FNTB: variants seen among roughly 807,000 people sequenced by gnomAD.
FNTB encodes protein farnesyltransferase subunit beta.
A neutral mutation model predicts 59.4 loss-of-function variants in FNTB; 27 were observed. The ratio of observed to expected loss-of-function variants is 0.45; its 90% CI spans 0.34 to 0.63. The LOEUF (loss-of-function observed/expected upper bound fraction) is 0.63. FNTB is among the 20% of genes least tolerant of loss of function. The pLI is 0.02. For missense variants in FNTB, 449 were observed against 559.6 expected (o/e 0.80, Z 1.99); for synonymous variants, 230 against 220.7 (o/e 1.04, Z -0.37).
At chr14:65,049,373 A>T (rs2062558181) in intron 9 of FNTB, among the ~76,000 whole-genome samples, 1 of 152,210 alleles carries the variant, frequency 6.6e-6, no homozygotes, top group Non-Finnish European at 1.5e-5. Flanking sequence ...TTTTTTAGAT[A>T]AAAGGAACCT....
intron 2 of FNTB, 143 bp downstream of exon 2, chr14:65,004,456 T>C (rs1367207360): frequency 1.2e-6 from 1 of 850,374 alleles, no homozygotes; most frequent in Admixed American, 2.3e-5. Flanking sequence ...TACCTGGATA[T>C]GCTAAGACCC....
intron 2 of FNTB, among the ~76,000 whole-genome samples, chr14:65,005,133 G>A (rs945710308): frequency 1.3e-5 from 2 of 152,188 alleles, no homozygotes; most frequent in African/African-American, 2.4e-5. Flanking sequence ...ACAAGAAATA[G>A]AATGCCTTTT....
In FNTB at chr14:64,986,929, C is replaced by T; in HGVS notation, c.-25C>T. 1 of 1,613,740 alleles carries T rather than the reference C, an allele frequency of 6.2e-7. No homozygotes were observed. Among genetic ancestry groups the T allele is most frequent in the Non-Finnish European group, 8.5e-7 (1 of 1,179,582 alleles). On this transcript the variant is annotated 5_prime_UTR_variant, in exon 1 of 12. Coordinates refer to ENST00000246166, the MANE Select transcript of FNTB (RefSeq NM_002028.4). Reference sequence around the variant, plus strand: ...TGTTGCTTAACGAAGCAGAGTCCTACACACTGTCTGCTGCTCTCCTGATCA... The same window carrying T: ...TGTTGCTTAACGAAGCAGAGTCCTATACACTGTCTGCTGCTCTCCTGATCA...
intron 4 of FNTB, among the ~76,000 whole-genome samples, chr14:65,021,414 C>T (rs1371479341): frequency 2.0e-5 from 3 of 152,124 alleles, no homozygotes; most frequent in Admixed American, 2.0e-4. Flanking sequence ...CCGGAATAGC[C>T]CCTTAAATAT....
chr14:65,012,601 C>CTAG lies in FNTB; in HGVS notation c.282+213_282+215dup, dbSNP rs2061701191. ...TCTCTTCCAGAGTGAGTGGAGCACC[C>CTAG]TAGATAGGATGGGGCTTTCTTCTGT... On this transcript the variant is annotated intron_variant, in intron 3 of 11. Coordinates refer to ENST00000246166, the MANE Select transcript of FNTB (RefSeq NM_002028.4). This position sits in a 1 kb window ranked among gnomAD's most constrained non-coding sequence, Gnocchi z 5.0. Among the ~76,000 whole-genome samples, 1 of 152,180 alleles carries CTAG rather than the reference C, an allele frequency of 6.6e-6. No individual in the cohort carries two copies. The highest frequency in any genetic ancestry group is 6.5e-5 in the Admixed American group (1 of 15,278).
chr14:65,005,327 GCAGT>G (rs1347106234), intron 2 of FNTB, among the ~76,000 whole-genome samples: 2 of 152,292 alleles, frequency 1.3e-5, no homozygotes, highest in East Asian at 3.9e-4. Flanking sequence ...TACTTCTCAT[GCAGT>G]CAGAGTCTTT....
At position 65,004,319 on chromosome 14, in the gene FNTB, C is replaced by T. The variant is rs762174175; in HGVS notation, c.209+6C>T. ...TTCAACCACCTTGTACCAAGGTAAGCTGTGGTTAGGAGTTTGAGGGGATCT... is the reference window on the plus strand; with the variant it reads ...TTCAACCACCTTGTACCAAGGTAAGTTGTGGTTAGGAGTTTGAGGGGATCT... On this transcript the variant is annotated splice_donor_region_variant and intron_variant, in intron 2 of 11. Coordinates refer to ENST00000246166, the MANE Select transcript of FNTB (RefSeq NM_002028.4). The T allele has an allele frequency of 2.5e-6, 4 of 1,612,442 alleles. No homozygotes were observed. The highest frequency in any genetic ancestry group is 3.4e-6 in the Non-Finnish European group (4 of 1,179,226).
rs1368975128 is a variant in FNTB, at chr14:65,014,323, C to T, written c.283-1302C>T. ...CCGTCTGCATTTTGCCTTTGGAAGC[C>T]TTTCCTAGCTCCCCAGGCAGAATTA... On this transcript the variant is annotated intron_variant, in intron 3 of 11. Coordinates refer to ENST00000246166, the MANE Select transcript of FNTB (RefSeq NM_002028.4). The surrounding 1 kb of genome is among the most constrained non-coding windows in gnomAD (Gnocchi z 5.1). Among the ~76,000 whole-genome samples, 1 of 152,168 alleles carries T rather than the reference C, an allele frequency of 6.6e-6. No individual in the cohort carries two copies. The highest frequency in any genetic ancestry group is 2.4e-5 in the African/African-American group (1 of 41,440).
At chr14:65,026,917 G>A (rs2061992981) in intron 4 of FNTB, among the ~76,000 whole-genome samples, 1 of 152,054 alleles carries the variant, frequency 6.6e-6, no homozygotes, top group African/African-American at 2.4e-5. Flanking sequence ...AGAAATCAGT[G>A]GCCCACAGAG....
chr14:65,043,006 C>T (rs1454853455), intron 8 of FNTB, among the ~76,000 whole-genome samples: 1 of 152,204 alleles, frequency 6.6e-6, no homozygotes, highest in African/African-American at 2.4e-5. Context: ...ATAATCTAAA[C>T]AACAGCTTTT....
Position 64,989,539 on chromosome 14 carries a change from A to AC in FNTB, c.144+2442_144+2443insC, listed in dbSNP as rs1358999444. 4.6e-5 allele frequency among the ~76,000 whole-genome samples: 7 copies of AC among 152,006 alleles called. No individual in the cohort carries two copies. The South Asian group carries it at 6.2e-4, about 13-fold the overall frequency. On this transcript the variant is annotated intron_variant, in intron 1 of 11. Transcript: ENST00000246166. ...ATGAAAGCTTTTCAAATTAAAAAAA[A>AC]AAACAAACAAAAAATAAATGCTTGT...
chr14:65,044,273 T>C lies in FNTB; in HGVS notation c.823-38T>C, dbSNP rs1176201571. On this transcript the variant is annotated intron_variant, in intron 8 of 11. Transcript: ENST00000246166. The surrounding 1 kb of genome is among the most constrained non-coding windows in gnomAD (Gnocchi z 5.5). ...TCTGTCGGGCTGGATTTTGTCTCTT[T>C]TAGCCTACAACTGCCTTTCCCATCT... The C allele has an allele frequency of 5.0e-6, 8 of 1,610,034 alleles. No individual in the cohort carries two copies. The highest frequency in any genetic ancestry group is 6.8e-6 in the Non-Finnish European group (8 of 1,178,388).
intron 3 of FNTB, among the ~76,000 whole-genome samples, chr14:65,013,790 C>T (rs1344447562): frequency 6.6e-6 from 1 of 152,214 alleles, no homozygotes; most frequent in Non-Finnish European, 1.5e-5. Flanking sequence ...TCAAGTGATC[C>T]ACCTGCCTCA....
rs73268754 is a variant in FNTB at position 65,004,053 on chromosome 14, C to T, written c.145-196C>T. On this transcript the variant is annotated intron_variant, in intron 1 of 11. Coordinates refer to ENST00000246166, the MANE Select transcript of FNTB (RefSeq NM_002028.4). ...GTTTCTGGAAAAGTCCATTGTGATG[C>T]CAGCATGGTACAGGGGATTCCCTCT... Among the ~76,000 whole-genome samples, 1,144 of 152,274 alleles carry T rather than the reference C, an allele frequency of 7.5e-3. 11 individuals are homozygous for T. Among genetic ancestry groups the T allele is most frequent in the Middle Eastern group, 0.02 (6 of 294 alleles).
intron 4 of FNTB, among the ~76,000 whole-genome samples, chr14:65,018,411 G>A (rs1458721783): frequency 1.3e-5 from 2 of 152,144 alleles, no homozygotes; most frequent in African/African-American, 4.8e-5. Flanking sequence ...TAGTTTAAAA[G>A]ATTTAATTTA....
chr14:65,004,338 G>T, intron 2 of FNTB, 25 bp downstream of exon 2: 1 of 1,608,294 alleles, frequency 6.2e-7, no homozygotes, highest in South Asian at 1.1e-5. Context: ...GGAGTTTGAG[G>T]GGATCTGGGA....
Position 65,044,703 on chromosome 14 carries a change from G to T in FNTB, c.955+260G>T, listed in dbSNP as rs72728267. On this transcript the variant is annotated intron_variant, in intron 9 of 11. Transcript: ENST00000246166. The surrounding 1 kb of genome is among the most constrained non-coding windows in gnomAD (Gnocchi z 5.5). ...CCTTGAAATTGCTACGGGGAGCGGG[G>T]AGGAAGTGGGCGCTGCTTCTGCGTT... 9,049 of 510,828 alleles carry T rather than the reference G, an allele frequency of 0.018. 112 individuals carry two copies. Among genetic ancestry groups the T allele is most frequent in the South Asian group, 0.023 (809 of 35,776 alleles). 31.6% of individuals were successfully genotyped at this position (510,828 alleles called of 1,614,324 possible).
At chr14:65,039,053 T>C (rs2062282822) in intron 7 of FNTB, among the ~76,000 whole-genome samples, 2 of 152,372 alleles carry the variant, frequency 1.3e-5, no homozygotes, top group East Asian at 3.9e-4. Context: ...TCCTCTTTCA[T>C]AGTAGAGACT....
rs1000120893 is a variant in FNTB, at chr14:65,061,045, T to C, written c.1183-136T>C. On this transcript the variant is annotated intron_variant, in intron 11 of 11. Coordinates refer to ENST00000246166, the MANE Select transcript of FNTB (RefSeq NM_002028.4). ...GATAGTTTTAGCAAATACACCATTTTTGAACCTTTGGGCTTTGTGTGTATC... is the reference window on the plus strand; with the variant it reads ...GATAGTTTTAGCAAATACACCATTTCTGAACCTTTGGGCTTTGTGTGTATC... 20 of 1,416,586 alleles carry C rather than the reference T, an allele frequency of 1.4e-5. No individual in the cohort carries two copies. The African/African-American group carries it at 2.9e-4, about 20-fold the overall frequency. 87.8% of individuals were successfully genotyped at this position (1,416,586 alleles called of 1,614,324 possible).
Sources: allele counts gnomAD v4.1 joint callset (sites outside exome capture counted in the v4.1 genomes callset), GRCh38; gene constraint gnomAD v4.1.1; non-coding constraint Gnocchi (gnomAD v3.1); transcripts MANE v1.5; gene names NCBI Gene and HGNC (gene_info 2026-07-23, HGNC 2026-07-21).